The following SCD5 variants were observed in gnomAD, a reference collection of about 807,000 sequenced individuals.
The protein encoded by SCD5 is acyl-CoA-desaturase 4.
Under a neutral mutation model 30.4 loss-of-function variants are expected in SCD5, and 20 were observed. That is an observed-to-expected ratio of 0.66 (90% CI 0.46 to 0.96). The LOEUF is 0.96. Among genes scored for constraint, SCD5 ranks in the 40% least tolerant of loss-of-function variants. The pLI is 0.00. For synonymous variants in SCD5, 173 were observed against 176.4 expected (o/e 0.98, Z 0.16); for missense variants, 381 against 443.3 (o/e 0.86, Z 1.26).
At chr4:82,776,311 T>C (rs1721743384) in intron 1 of SCD5, among the ~76,000 whole-genome samples, 1 of 152,184 alleles carries the variant, frequency 6.6e-6, no homozygotes, top group Non-Finnish European at 1.5e-5. Flanking sequence ...TTAACTCTTT[T>C]GCAATCATAT....
chr4:82,777,792 C>T (rs568964328), intron 1 of SCD5, among the ~76,000 whole-genome samples: 7 of 152,070 alleles, frequency 4.6e-5, no homozygotes, highest in Non-Finnish European at 7.4e-5. Context: ...GATGTTTTCT[C>T]GGCCAGTGTT....
At chr4:82,742,300 TGAGTA>T (rs1340456120) in intron 1 of SCD5, among the ~76,000 whole-genome samples, 9 of 152,108 alleles carry the variant, frequency 5.9e-5, no homozygotes, top group Admixed American at 2.0e-4. Flanking sequence ...TGGGTTTTCC[TGAGTA>T]GAGTGTGCCC....
intron 2 of SCD5, among the ~76,000 whole-genome samples, chr4:82,697,454 G>C (rs746077632): frequency 3.9e-5 from 6 of 152,144 alleles, no homozygotes; most frequent in African/African-American, 7.2e-5. Context: ...GTGAGAAACA[G>C]ACTAGCCCTG....
intron 1 of SCD5, among the ~76,000 whole-genome samples, chr4:82,784,448 T>G (rs916720177): frequency 1.3e-5 from 2 of 152,246 alleles, no homozygotes; most frequent in Non-Finnish European, 2.9e-5. Flanking sequence ...CTTCGCAATT[T>G]TATCTTTATG....
At chr4:82,758,899 G>C (rs535860943) in intron 1 of SCD5, among the ~76,000 whole-genome samples, 1 of 152,138 alleles carries the variant, frequency 6.6e-6, no homozygotes, top group East Asian at 1.9e-4. Context: ...CCTCCCCCGC[G>C]AAACAACAAG....
At chr4:82,771,467 G>C (rs115602066) in intron 1 of SCD5, among the ~76,000 whole-genome samples, 1 of 152,184 alleles carries the variant, frequency 6.6e-6, no homozygotes, top group Non-Finnish European at 1.5e-5. Context: ...ACCCACCAAC[G>C]GTGTAGGACG....
intron 3 of SCD5, among the ~76,000 whole-genome samples, chr4:82,680,234 G>A (rs181142206): frequency 1.3e-5 from 2 of 152,336 alleles, no homozygotes; most frequent in Admixed American, 6.5e-5. Flanking sequence ...ACCTACTAGT[G>A]TAACGTTTCC....
intron 1 of SCD5, among the ~76,000 whole-genome samples, chr4:82,734,928 C>T (rs1248549885): frequency 6.6e-6 from 1 of 151,986 alleles, no homozygotes; most frequent in Admixed American, 6.6e-5. Flanking sequence ...CCATGCCCAG[C>T]TAATTTTTTG....
At chr4:82,742,552 C>T (rs866410785) in intron 1 of SCD5, among the ~76,000 whole-genome samples, 3 of 152,090 alleles carry the variant, frequency 2.0e-5, no homozygotes, top group African/African-American at 4.8e-5. Context: ...TTTGGGAGGC[C>T]GAGGTGGGTG....
intron 3 of SCD5, among the ~76,000 whole-genome samples, chr4:82,661,404 G>T (rs542895915): frequency 6.6e-6 from 1 of 152,164 alleles, no homozygotes; most frequent in Non-Finnish European, 1.5e-5. Flanking sequence ...GTCAACTGAC[G>T]AGGGGTCTCA....
intron 2 of SCD5, among the ~76,000 whole-genome samples, chr4:82,685,440 C>T (rs569481308): frequency 1.6e-4 from 25 of 152,214 alleles, no homozygotes; most frequent in African/African-American, 5.1e-4. Flanking sequence ...AGGCTGGGCA[C>T]GGTGGCTCAT....
chr4:82,746,745 C>T (rs1370392969), intron 1 of SCD5, among the ~76,000 whole-genome samples: 4 of 151,854 alleles, frequency 2.6e-5, no homozygotes, highest in Non-Finnish European at 5.9e-5. Flanking sequence ...AACATTGATA[C>T]GGGAAAGAGC....
rs187527033 is a variant in SCD5, at chr4:82,670,093, A to G, written c.569+10614T>C. Among the ~76,000 whole-genome samples, 201 of 152,366 alleles carry G rather than the reference A, an allele frequency of 1.3e-3. 3 individuals are homozygous for G. Among genetic ancestry groups the G allele is most frequent in the Middle Eastern group, 6.8e-3 (2 of 294 alleles). On this transcript the variant is annotated intron_variant, in intron 3 of 4. Coordinates refer to ENST00000319540, the MANE Select transcript of SCD5 (RefSeq NM_001037582.3). ...TCCTTTTACTCAGTACATCATGTCCAGTTATCAAGAAAAAATTATAAGGCA... is the reference window on the plus strand; with the variant it reads ...TCCTTTTACTCAGTACATCATGTCCGGTTATCAAGAAAAAATTATAAGGCA...
chr4:82,681,220 C>A (rs1451892197), intron 2 of SCD5, among the ~76,000 whole-genome samples: 1 of 152,082 alleles, frequency 6.6e-6, no homozygotes, highest in East Asian at 1.9e-4. Context: ...GTGGGGGCGA[C>A]TGAAGTCTCC....
chr4:82,797,857 C>T (rs1257273207), intron 1 of SCD5, among the ~76,000 whole-genome samples: 1 of 152,120 alleles, frequency 6.6e-6, no homozygotes, highest in Non-Finnish European at 1.5e-5. Context: ...CCCCAAGGTC[C>T]GTGACCCGCG....
intron 1 of SCD5, among the ~76,000 whole-genome samples, chr4:82,734,021 G>A (rs1436455963): frequency 6.6e-6 from 1 of 152,198 alleles, no homozygotes; most frequent in Non-Finnish European, 1.5e-5. Context: ...TGTGTCTAAA[G>A]CCTTAAGAAC....
chr4:82,629,971 T>C lies in SCD5; in HGVS notation c.*1356A>G, dbSNP rs1425428469. 6.6e-6 allele frequency: 1 copy of C among 152,238 alleles called. No individual in the cohort carries two copies. Among genetic ancestry groups the C allele is most frequent in the African/African-American group, 2.4e-5 (1 of 41,462 alleles). The allele number at this position is 152,238 out of a possible 1,614,324, so 9.4% of individuals were successfully genotyped here. A position where few individuals can be genotyped will look rare whatever the true frequency, so the allele number is the denominator to read the frequency against. ...TGGTTCTCAAGATCTGATGGTCTGA[T>C]GTGGAAAATTAATATGCTTATTTAG... On this transcript the variant is annotated 3_prime_UTR_variant, in exon 5 of 5. Transcript: ENST00000319540.
At chr4:82,704,249 A>T (rs919354762) in intron 2 of SCD5, among the ~76,000 whole-genome samples, 1 of 152,222 alleles carries the variant, frequency 6.6e-6, no homozygotes, top group Non-Finnish European at 1.5e-5. Context: ...AGGTGGCCAC[A>T]TGAGCTGTGT....
rs778480466 is a variant in SCD5, at chr4:82,720,441, T to TAC, written c.233-15029_233-15028insGT. Among the ~76,000 whole-genome samples, 124 of 77,870 alleles carry TAC rather than the reference T, an allele frequency of 1.6e-3. 2 individuals are homozygous for TAC. The highest frequency in any genetic ancestry group is 0.012 in the South Asian group (24 of 1,988). 51.1% of individuals were successfully genotyped at this position (77,870 alleles called of 152,430 possible). On this transcript the variant is annotated intron_variant, in intron 1 of 4. Coordinates refer to ENST00000319540, the MANE Select transcript of SCD5 (RefSeq NM_001037582.3). ...GATGCTGTCTCAAAAAAGGCAAAAA[T>TAC]AAAAAAAAAAAAAAAAAAAAAAGAC...
Sources: allele counts gnomAD v4.1 joint callset (sites outside exome capture counted in the v4.1 genomes callset), GRCh38; gene constraint gnomAD v4.1.1; transcripts MANE v1.5; gene names NCBI Gene and HGNC (gene_info 2026-07-23, HGNC 2026-07-21).